The following RIN3 variants were observed in gnomAD, a reference collection of about 807,000 sequenced individuals.
The protein encoded by RIN3 is RAB5 interacting protein 3.
In RIN3, 54 loss-of-function variants were observed where a neutral mutation model predicts 76.3. The ratio of observed to expected loss-of-function variants is 0.71; its 90% CI spans 0.57 to 0.89. The LOEUF (loss-of-function observed/expected upper bound fraction) is 0.89. Ranked by LOEUF, RIN3 falls within the 40% of genes least tolerant of loss-of-function variation. The probability of loss-of-function intolerance (pLI) is 0.00; values close to 1 mark genes in which losing one functional copy is unlikely to be tolerated. For missense variants in RIN3, 1,256 were observed against 1,322.1 expected (o/e 0.95, Z 0.78); for synonymous variants, 576 against 564.0 (o/e 1.02, Z -0.30).
intron 1 of RIN3, among the ~76,000 whole-genome samples, chr14:92,548,157 T>TG (rs1439170342): frequency 1.3e-5 from 2 of 152,258 alleles, no homozygotes; most frequent in Admixed American, 6.5e-5. Flanking sequence ...TGTGTGTGTT[T>TG]GTGTGTATTC....
rs113301597 is a variant in RIN3 at position 92,677,625 on chromosome 14, T to C, written c.2467+1019T>C. The stretch of plus-strand genomic sequence containing the variant: ...GACCTCTGTATCTACCTTTTTTTTT[T>C]CTCTGTAGTTAAAAATGTCCTGTAA... On this transcript the variant is annotated intron_variant, in intron 8 of 9. Transcript: ENST00000216487. 2.2e-3 allele frequency among the ~76,000 whole-genome samples: 330 copies of C among 152,198 alleles called. 2 individuals are homozygous for C. The highest frequency in any genetic ancestry group is 7.4e-3 in the African/African-American group (307 of 41,498).
chr14:92,632,169 G>T (rs2140121194), intron 4 of RIN3, among the ~76,000 whole-genome samples: 1 of 152,244 alleles, frequency 6.6e-6, no homozygotes, highest in South Asian at 2.1e-4. Flanking sequence ...CATGTGTGAG[G>T]CTCCAGCACC....
At chr14:92,641,694 G>A (rs1887022226) in intron 5 of RIN3, among the ~76,000 whole-genome samples, 1 of 152,224 alleles carries the variant, frequency 6.6e-6, no homozygotes, top group East Asian at 1.9e-4. Context: ...CCCCTCATCG[G>A]ATGGAAAAGC....
intron 5 of RIN3, chr14:92,645,226 G>T (rs567247209): frequency 6.6e-6 from 1 of 152,344 alleles, no homozygotes; most frequent in Non-Finnish European, 1.5e-5. Flanking sequence ...GATGATCCCT[G>T]GCCAGCCTAG....
At chr14:92,574,183 A>G (rs989203836) in intron 2 of RIN3, among the ~76,000 whole-genome samples, 3 of 152,230 alleles carry the variant, frequency 2.0e-5, no homozygotes, top group African/African-American at 7.2e-5. Context: ...TCTCCTGCAG[A>G]GAGAGGGGGT....
At chr14:92,628,053 G>A (rs931233643) in intron 4 of RIN3, among the ~76,000 whole-genome samples, 2 of 152,180 alleles carry the variant, frequency 1.3e-5, no homozygotes, top group East Asian at 3.9e-4. Flanking sequence ...ATTGGCTACT[G>A]TTGACATCAT....
intron 4 of RIN3, among the ~76,000 whole-genome samples, chr14:92,628,608 A>G (rs1048895116): frequency 1.3e-5 from 2 of 152,112 alleles, no homozygotes; most frequent in Non-Finnish European, 2.9e-5. Context: ...ACGCTTTCCC[A>G]TGCTTCCTGT....
intron 3 of RIN3, among the ~76,000 whole-genome samples, chr14:92,591,661 C>T (rs924027035): frequency 1.3e-5 from 2 of 151,402 alleles, no homozygotes; most frequent in Non-Finnish European, 2.9e-5. Context: ...ATCATGCAAG[C>T]AAGAAGATAG....
At chr14:92,677,610 TCTAC>T (rs1888514810) in intron 8 of RIN3, among the ~76,000 whole-genome samples, 1 of 152,120 alleles carries the variant, frequency 6.6e-6, no homozygotes, top group Non-Finnish European at 1.5e-5. Context: ...GACCTCTGTA[TCTAC>T]CTTTTTTTTT....
In RIN3 at chr14:92,606,931, G is replaced by A. The variant is rs765834262; in HGVS notation, c.368-8476G>A. ...GAAGTAAAAACATCCACACAAAAACGTGTACACAAATGTTCACAGCAGCAT... is the reference window on the plus strand; with the variant it reads ...GAAGTAAAAACATCCACACAAAAACATGTACACAAATGTTCACAGCAGCAT... On this transcript the variant is annotated intron_variant, in intron 3 of 9. Transcript: ENST00000216487. Among the ~76,000 whole-genome samples, 4 of 152,050 alleles carry A rather than the reference G, an allele frequency of 2.6e-5. No individual in the cohort carries two copies. In the East Asian group the frequency reaches 5.8e-4, roughly 22 times the overall value.
chr14:92,581,228 G>A (rs560365789), intron 3 of RIN3, among the ~76,000 whole-genome samples: 35 of 152,276 alleles, frequency 2.3e-4, no homozygotes, highest in African/African-American at 8.2e-4. Context: ...CCCCGGCTGT[G>A]CTTATGGTCT....
intron 3 of RIN3, among the ~76,000 whole-genome samples, chr14:92,578,870 A>G (rs2140061308): frequency 6.6e-6 from 1 of 152,290 alleles, no homozygotes; most frequent in South Asian, 2.1e-4. Flanking sequence ...TGGGGACATT[A>G]GTGATCTTGT....
At chr14:92,667,385 C>T (rs927755372) in intron 7 of RIN3, among the ~76,000 whole-genome samples, 11 of 152,070 alleles carry the variant, frequency 7.2e-5, no homozygotes, top group South Asian at 2.1e-4. Context: ...GGCATGGTGG[C>T]GCACACCTGT....
intron 1 of RIN3, among the ~76,000 whole-genome samples, chr14:92,537,463 T>A (rs555081347): frequency 2.6e-5 from 4 of 152,150 alleles, no homozygotes; most frequent in Non-Finnish European, 5.9e-5. Context: ...AGCACTTTTG[T>A]CTGTGCGTCA....
intron 1 of RIN3, among the ~76,000 whole-genome samples, chr14:92,521,150 A>C (rs1254066507): frequency 6.9e-6 from 1 of 145,464 alleles, no homozygotes; most frequent in Non-Finnish European, 1.5e-5. Context: ...ATCCATCCAT[A>C]CATCCACCCA....
At position 92,568,377 on chromosome 14, in the gene RIN3, G is replaced by C. The variant is rs1282432548; in HGVS notation, c.250-8983G>C. Among the ~76,000 whole-genome samples the C allele has an allele frequency of 1.3e-5, 2 of 152,140 alleles. No homozygotes were observed. Among genetic ancestry groups the C allele is most frequent in the African/African-American group, 2.4e-5 (1 of 41,438 alleles). On this transcript the variant is annotated intron_variant, in intron 2 of 9. Coordinates refer to ENST00000216487, the MANE Select transcript of RIN3 (RefSeq NM_024832.5). This position sits in a 1 kb window ranked among gnomAD's most constrained non-coding sequence, Gnocchi z 4.2. ...GATGGCTGCTGCCTGACACTGACTT[G>C]GGCCAAAATCTGCCAGATTTAAGCT...
chr14:92,577,459 A>C lies in RIN3; in HGVS notation c.349A>C (p.Ile117Leu). 1 of 1,611,970 alleles carries C rather than the reference A, an allele frequency of 6.2e-7. No homozygotes were observed. The highest frequency in any genetic ancestry group is 8.5e-7 in the Non-Finnish European group (1 of 1,178,368). The change falls in exon 3 of 10, where the codon ATT (isoleucine) becomes CTT (leucine). Residue 117 changes from isoleucine to leucine, a missense_variant. Around this residue, in one of 3 missense-constraint regions of RIN3, gnomAD observed 610 missense variants for 626.4 expected, o/e 0.97. Coordinates refer to ENST00000216487, the MANE Select transcript of RIN3 (RefSeq NM_024832.5). ...ESSAEVLEYT[I>L]KEEKSILYLE... is the part of the protein sequence containing the mutation. ...CTCGGCCGAGGTGCTCGAATACACCATTAAGGAAGAAAAGTCGAGTAAGTA... is the reference window on the plus strand; with the variant it reads ...CTCGGCCGAGGTGCTCGAATACACCCTTAAGGAAGAAAAGTCGAGTAAGTA...
chr14:92,540,032 G>A (rs955807783), intron 1 of RIN3, among the ~76,000 whole-genome samples: 1 of 152,216 alleles, frequency 6.6e-6, no homozygotes, highest in Non-Finnish European at 1.5e-5. Flanking sequence ...GGACAGCGGG[G>A]CACCTAGCTG....
At chr14:92,676,667 G>A in intron 8 of RIN3, 61 bp downstream of exon 8, 1 of 1,576,448 alleles carries the variant, frequency 6.3e-7, no homozygotes, top group Non-Finnish European at 8.6e-7. Flanking sequence ...CCACGCCACG[G>A]GCACTCTAGG....
Sources: allele counts gnomAD v4.1 joint callset (sites outside exome capture counted in the v4.1 genomes callset), GRCh38; gene constraint gnomAD v4.1.1; regional missense constraint gnomAD v4.1.1; non-coding constraint Gnocchi (gnomAD v3.1); transcripts MANE v1.5; gene names NCBI Gene and HGNC (gene_info 2026-07-23, HGNC 2026-07-21).